The following FNDC7 variants were observed in gnomAD, a reference collection of about 807,000 sequenced individuals.
FNDC7 encodes the protein fibronectin type III domain containing 7.
In FNDC7, 66 loss-of-function variants were observed where a neutral mutation model predicts 74.2. The ratio of observed to expected loss-of-function variants is 0.89; its 90% CI spans 0.73 to 1.09. The LOEUF (loss-of-function observed/expected upper bound fraction) is 1.09, where lower values mean the gene tolerates loss of function less well. FNDC7 is among the 50% of genes least tolerant of loss of function. The pLI, the probability that FNDC7 is intolerant of heterozygous loss-of-function variation, is 0.00. For synonymous variants in FNDC7, 307 were observed against 330.2 expected, an observed-to-expected ratio of 0.93 and a Z score of 0.76; for missense variants, 829 against 893.4, an observed-to-expected ratio of 0.93 and a Z score of 0.92.
At position 108,713,378 on chromosome 1, in the gene FNDC7, T is replaced by TA. The variant is rs1660910722; in HGVS notation, c.64-132dup. The TA allele has an allele frequency of 9.2e-5, 69 of 749,478 alleles. No individual in the cohort carries two copies. In the South Asian group the frequency reaches 1.1e-3, roughly 12 times the overall value. 46.4% of individuals were successfully genotyped at this position (749,478 alleles called of 1,614,324 possible). A position where few individuals can be genotyped will look rare whatever the true frequency, so the allele number is the denominator to read the frequency against. On this transcript the variant is annotated intron_variant, in intron 1 of 12. Transcript: ENST00000370017. ...AATGATTTGTGTGGAGAAATACTTG[T>TA]ATGGATTGAAAGACTGCTCACGTTA... is the stretch of plus-strand genomic sequence containing the variant.
chr1:108,719,135 A>G (rs1425871639), intron 4 of FNDC7, 86 bp downstream of exon 4: 1 of 1,454,204 alleles, frequency 6.9e-7, no homozygotes, highest in Non-Finnish European at 9.3e-7. Context: ...GGGCAGTGTT[A>G]CATGACAAGT....
rs758545122 is a variant in FNDC7, at chr1:108,712,995, T to C, written c.62T>C (p.Met21Thr). The C allele has an allele frequency of 6.4e-7, 1 of 1,551,420 alleles. No individual in the cohort carries two copies. The highest frequency in any genetic ancestry group is 1.2e-5 in the South Asian group (1 of 84,048). Residue 21 changes from methionine to threonine, a missense_variant and splice_region_variant, in exon 1 of 13, where the codon ATG becomes ACG. Physicochemically the swap from Met to Thr is moderately conservative, Grantham distance 81. Transcript: ENST00000370017. The stretch of plus-strand genomic sequence containing the variant: ...GGATTCATTCTTATCTGTCTTAAAA[T>C]GGTGAGTTCATCATTCCAACTACCC... ...LIGFILICLK[M>T]VASAKSAPEI... is the part of the protein sequence containing the mutation.
chr1:108,718,365 T>C (rs1016582004), intron 3 of FNDC7, among the ~76,000 whole-genome samples: 3 of 146,078 alleles, frequency 2.1e-5, no homozygotes, highest in African/African-American at 7.3e-5. Flanking sequence ...TCTGACCGTA[T>C]GGCATATATG....
In FNDC7 at chr1:108,742,155, G is replaced by C. The variant is rs893568816; in HGVS notation, c.*268G>C. ...GTCCCCTGGACGGCTGCTAGCCTGAGTTGGCACACTGTGAGAACCCTGGAA... is the reference window on the plus strand; with the variant it reads ...GTCCCCTGGACGGCTGCTAGCCTGACTTGGCACACTGTGAGAACCCTGGAA... On this transcript the variant is annotated 3_prime_UTR_variant, in exon 13 of 13. Transcript: ENST00000370017. The C allele has an allele frequency of 6.7e-6, 2 of 298,488 alleles. No individual in the cohort carries two copies. Among genetic ancestry groups the C allele is most frequent in the Non-Finnish European group, 1.2e-5 (2 of 160,610 alleles). 18.5% of individuals were successfully genotyped at this position (298,488 alleles called of 1,614,324 possible). A position where few individuals can be genotyped will look rare whatever the true frequency, so the allele number is the denominator to read the frequency against.
intron 2 of FNDC7, among the ~76,000 whole-genome samples, chr1:108,717,549 G>A (rs868306740): frequency 6.6e-6 from 1 of 152,188 alleles, no homozygotes; most frequent in Non-Finnish European, 1.5e-5. Context: ...AGGCAATTGG[G>A]GAAAACTTTA....
At chr1:108,717,543 A>C (rs1660999663) in intron 2 of FNDC7, among the ~76,000 whole-genome samples, 1 of 152,160 alleles carries the variant, frequency 6.6e-6, no homozygotes, top group Non-Finnish European at 1.5e-5. Flanking sequence ...CCCCACAGGC[A>C]ATTGGGGAAA....
chr1:108,721,535 C>T (rs1443533614), intron 4 of FNDC7, among the ~76,000 whole-genome samples: 1 of 152,218 alleles, frequency 6.6e-6, no homozygotes, highest in East Asian at 1.9e-4. Context: ...CTGGTCTCTG[C>T]TCACAGACTG....
At chr1:108,724,126 C>T (rs1036308833) in intron 5 of FNDC7, among the ~76,000 whole-genome samples, 1 of 152,188 alleles carries the variant, frequency 6.6e-6, no homozygotes, top group East Asian at 1.9e-4. Flanking sequence ...AATGAACAAA[C>T]TTTACTTGAA....
At chr1:108,729,650 C>T (rs890914296) in intron 8 of FNDC7, among the ~76,000 whole-genome samples, 8 of 152,082 alleles carry the variant, frequency 5.3e-5, no homozygotes, top group African/African-American at 1.9e-4. Flanking sequence ...ACTAATGCTG[C>T]AAAGCACTTA....
At chr1:108,731,266 T>C (rs1661346751) in intron 9 of FNDC7, among the ~76,000 whole-genome samples, 1 of 152,190 alleles carries the variant, frequency 6.6e-6, no homozygotes, top group African/African-American at 2.4e-5. Context: ...TTCTGTTTGG[T>C]TTGCATTTTT....
chr1:108,730,101 G>A (rs746977101), intron 8 of FNDC7, among the ~76,000 whole-genome samples: 7 of 152,060 alleles, frequency 4.6e-5, no homozygotes, highest in Admixed American at 2.6e-4. Context: ...AAGATGGGCC[G>A]GGCATGGTGG....
At chr1:108,737,584 T>A in intron 11 of FNDC7, 60 bp downstream of exon 11, 2 of 1,381,814 alleles carry the variant, frequency 1.4e-6, no homozygotes, top group Non-Finnish European at 2.0e-6. Context: ...ATTTTGGGGT[T>A]AATGAAGTCA....
intron 5 of FNDC7, among the ~76,000 whole-genome samples, chr1:108,725,317 A>G (rs1661185379): frequency 6.6e-6 from 1 of 152,124 alleles, no homozygotes; most frequent in Admixed American, 6.5e-5. Context: ...AACACAATGA[A>G]TGATGTCTGT....
chr1:108,721,822 T>C (rs757002778), intron 4 of FNDC7, among the ~76,000 whole-genome samples: 4 of 152,206 alleles, frequency 2.6e-5, no homozygotes, highest in Admixed American at 1.3e-4. Context: ...GAAACAATTA[T>C]GACCGAAAAG....
In FNDC7 at chr1:108,722,567, A is replaced by C; in HGVS notation, c.831A>C (p.Ser277=). ...LASNDAGSSK[S]SSAMTLKTVA... ...GTAATGATGCTGGATCTAGCAAATCATCTTCAGCAATGACCCTGAAAACTG... is the reference window on the plus strand; with the variant it reads ...GTAATGATGCTGGATCTAGCAAATCCTCTTCAGCAATGACCCTGAAAACTG... Residue 277 remains serine, a synonymous_variant, in exon 5 of 13, where the codon TCA becomes TCC. Transcript: ENST00000370017. The C allele has an allele frequency of 6.2e-7, 1 of 1,613,892 alleles. No individual in the cohort carries two copies. Among genetic ancestry groups the C allele is most frequent in the Non-Finnish European group, 8.5e-7 (1 of 1,179,828 alleles).
At chr1:108,732,125 C>G (rs577645510) in intron 9 of FNDC7, among the ~76,000 whole-genome samples, 1 of 151,860 alleles carries the variant, frequency 6.6e-6, no homozygotes, top group African/African-American at 2.4e-5. Context: ...TTTGGGAGGC[C>G]GAGGCAGGCG....
chr1:108,733,302 A>G lies in FNDC7; in HGVS notation c.1910A>G (p.Tyr637Cys), dbSNP rs1416659992. Residue 637 changes from tyrosine (Y) to cysteine (C), a missense_variant, in exon 10 of 13, where the codon TAT becomes TGT. Coordinates refer to ENST00000370017, the MANE Select transcript of FNDC7 (RefSeq NM_001144937.3). ...TGCTGCCCTTTGGGGGTGAAATTAT[A>G]TAGGCTGGGCCCTAATGGCATCCGG... The part of the protein sequence containing the change: ...GACCPLGVKL[Y>C]RLGPNGIRIY... 6.2e-7 allele frequency: 1 copy of G among 1,612,962 alleles called. No individual in the cohort carries two copies. Among genetic ancestry groups the G allele is most frequent in the Non-Finnish European group, 8.5e-7 (1 of 1,179,034 alleles).
At chr1:108,727,486 T>C (rs1431909577) in intron 6 of FNDC7, among the ~76,000 whole-genome samples, 2 of 151,996 alleles carry the variant, frequency 1.3e-5, no homozygotes, top group Non-Finnish European at 2.9e-5. Flanking sequence ...GGCTTTCCAG[T>C]GGAGGGGTCA....
At position 108,733,515 on chromosome 1, in the gene FNDC7, C is replaced by CA. The variant is rs750925618; in HGVS notation, c.2131dup (p.Ile711AsnfsTer17). 1.7e-4 allele frequency: 277 copies of CA among 1,608,010 alleles called. No individual in the cohort carries two copies. The highest frequency in any genetic ancestry group is 4.5e-5 in the Non-Finnish European group (53 of 1,176,754). On this transcript the variant is annotated frameshift_variant, in exon 10 of 13. Coordinates refer to ENST00000370017, the MANE Select transcript of FNDC7 (RefSeq NM_001144937.3). LOFTEE classifies it high-confidence loss of function. ...ACAGGATTGAAGCTTACTTTCTGTC[C>CA]AAAAAAAATATATTCAGGTAAAGCA... is the stretch of plus-strand genomic sequence containing the variant.
Sources: allele counts gnomAD v4.1 joint callset (sites outside exome capture counted in the v4.1 genomes callset), GRCh38; gene constraint gnomAD v4.1.1; transcripts MANE v1.5; gene names NCBI Gene and HGNC (gene_info 2026-07-23, HGNC 2026-07-21).